Variants in CNTNAP5 observed in about 807,000 individuals in gnomAD.
CNTNAP5 encodes contactin associated protein family member 5, also known as contactin-associated protein-like 5.
In CNTNAP5, 72 loss-of-function variants were observed where a neutral mutation model predicts 150.2. That is an observed-to-expected ratio of 0.48 (90% CI 0.40 to 0.58). The LOEUF (loss-of-function observed/expected upper bound fraction) is 0.58. Among genes scored for constraint, CNTNAP5 ranks in the 20% least tolerant of loss-of-function variants. The pLI is 0.00. For synonymous variants in CNTNAP5, 672 were observed against 619.8 expected, an observed-to-expected ratio of 1.08 and a Z score of -1.25; for missense variants, 1,636 against 1,626.2, an observed-to-expected ratio of 1.01 and a Z score of -0.10.
intron 3 of CNTNAP5, among the ~76,000 whole-genome samples, chr2:124,410,756 A>G (rs1418047027): frequency 2.6e-5 from 4 of 151,478 alleles, no homozygotes; most frequent in Non-Finnish European, 5.9e-5. Context: ...TTATAGCACT[A>G]AATGCCCACA....
chr2:124,408,783 G>C (rs1691665780), intron 3 of CNTNAP5, among the ~76,000 whole-genome samples: 1 of 151,698 alleles, frequency 6.6e-6, no homozygotes, highest in African/African-American at 2.4e-5. Flanking sequence ...ACAAAGATGG[G>C]GAAAAAACAG....
chr2:124,493,425 C>T (rs1694077014), intron 7 of CNTNAP5, among the ~76,000 whole-genome samples: 1 of 151,974 alleles, frequency 6.6e-6, no homozygotes, highest in South Asian at 2.1e-4. Flanking sequence ...ACTGCAACTT[C>T]CTCCTTCCAG....
At chr2:124,103,046 T>C (rs1683098244) in intron 1 of CNTNAP5, among the ~76,000 whole-genome samples, 1 of 152,126 alleles carries the variant, frequency 6.6e-6, no homozygotes, top group Non-Finnish European at 1.5e-5. Context: ...ATAACAGAGC[T>C]GGAAAATTCC....
At chr2:124,761,141 T>A (rs1680947396) in intron 14 of CNTNAP5, among the ~76,000 whole-genome samples, 1 of 152,146 alleles carries the variant, frequency 6.6e-6, no homozygotes, top group Non-Finnish European at 1.5e-5. Context: ...AGCTGTAGAC[T>A]CCTTGCCTAT....
intron 21 of CNTNAP5, among the ~76,000 whole-genome samples, chr2:124,900,504 G>A (rs1168907431): frequency 6.6e-6 from 1 of 151,300 alleles, no homozygotes; most frequent in African/African-American, 2.5e-5. Context: ...AGTACATCTG[G>A]AAGAAGCACA....
chr2:124,294,357 A>T (rs116453815), intron 3 of CNTNAP5, among the ~76,000 whole-genome samples: 1,851 of 148,680 alleles, frequency 0.012, 46 homozygotes, highest in African/African-American at 0.043. Flanking sequence ...TAAAACAGGA[A>T]TTTTTTTTTT....
intron 10 of CNTNAP5, among the ~76,000 whole-genome samples, chr2:124,556,964 A>G (rs1417829021): frequency 4.6e-5 from 7 of 151,932 alleles, no homozygotes; most frequent in Non-Finnish European, 1.0e-4. Flanking sequence ...TCAAAATTGT[A>G]CAAAGATTTT....
At chr2:124,490,227 G>C (rs1693986002) in intron 7 of CNTNAP5, among the ~76,000 whole-genome samples, 1 of 151,886 alleles carries the variant, frequency 6.6e-6, no homozygotes, top group Admixed American at 6.6e-5. Context: ...CCAGCTACTT[G>C]GGAGGCTGAG....
chr2:124,096,615 T>G (rs1409479383), intron 1 of CNTNAP5, among the ~76,000 whole-genome samples: 1 of 152,112 alleles, frequency 6.6e-6, no homozygotes, highest in Non-Finnish European at 1.5e-5. Flanking sequence ...TCCAATGAAC[T>G]ATTTGGGGAA....
intron 13 of CNTNAP5, among the ~76,000 whole-genome samples, chr2:124,663,324 A>G (rs1678631577): frequency 6.6e-6 from 1 of 152,342 alleles, no homozygotes; most frequent in Non-Finnish European, 1.5e-5. Flanking sequence ...GTAAACTAGT[A>G]TTATATAGAC....
intron 1 of CNTNAP5, among the ~76,000 whole-genome samples, chr2:124,090,158 T>C (rs1483982450): frequency 3.3e-5 from 5 of 152,242 alleles, no homozygotes; most frequent in South Asian, 2.1e-4. Context: ...TAAGTTCTGA[T>C]TGAATAATCC....
rs1694781173 is a variant in CNTNAP5 at position 124,518,541 on chromosome 2, T to G, written c.1328-5762T>G. ...GTTCCTCAAAGGGTTAAATATGGAA[T>G]TGCCCTATGACTGAGCAATTCCAAT... is the stretch of plus-strand genomic sequence containing the variant. On this transcript the variant is annotated intron_variant, in intron 8 of 23. Transcript: ENST00000682447. 3.3e-5 allele frequency among the ~76,000 whole-genome samples: 5 copies of G among 152,286 alleles called. No homozygotes were observed. The South Asian group carries it at 1.0e-3, about 32-fold the overall frequency.
intron 1 of CNTNAP5, among the ~76,000 whole-genome samples, chr2:124,073,663 C>T (rs1253491973): frequency 6.6e-6 from 1 of 150,890 alleles, no homozygotes; most frequent in East Asian, 2.1e-4. Context: ...GTTAAAATTG[C>T]TTTTATCCAA....
Position 124,261,655 on chromosome 2 carries a change from C to T in CNTNAP5, c.381+19262C>T, listed in dbSNP as rs372025891. On this transcript the variant is annotated intron_variant, in intron 3 of 23. Coordinates refer to ENST00000682447, the MANE Select transcript of CNTNAP5 (RefSeq NM_001367498.1). ...GATGTTCCACCTGCCTGCTACCTGC[C>T]GCAGTGTTTGCCTTGTAACCAGGCC... Among the ~76,000 whole-genome samples the T allele has an allele frequency of 2.9e-4, 44 of 152,204 alleles. No individual in the cohort carries two copies. In the South Asian group the frequency reaches 8.5e-3, roughly 29 times the overall value.
intron 21 of CNTNAP5, among the ~76,000 whole-genome samples, chr2:124,875,698 GT>G (rs5834090): frequency 0.57 from 71,996 of 126,608 alleles, 17,521 homozygotes; most frequent in East Asian, 0.72. Flanking sequence ...AACCATGAGG[GT>G]TTTTTTTTTT....
chr2:124,587,639 G>T (rs920105980), intron 11 of CNTNAP5, among the ~76,000 whole-genome samples: 4 of 152,110 alleles, frequency 2.6e-5, no homozygotes, highest in African/African-American at 9.7e-5. Context: ...TGGGGCCTTT[G>T]TATAGCTAGT....
At chr2:124,282,167 A>C (rs1688030699) in intron 3 of CNTNAP5, among the ~76,000 whole-genome samples, 1 of 152,154 alleles carries the variant, frequency 6.6e-6, no homozygotes, top group Non-Finnish European at 1.5e-5. Flanking sequence ...ATGGTAAAAC[A>C]AAGGGCTTTG....
At position 124,917,983 on chromosome 2, in the gene CNTNAP5, C is replaced by T. The variant is rs1007814239; in HGVS notation, c.*3695C>T. On this transcript the variant is annotated 3_prime_UTR_variant, in exon 24 of 24. Transcript: ENST00000682447. ...TGTAAGCTGTTTTGTTTCTCCTCCT[C>T]AAAGTAGATATCTATCAATGCATAT... Among the ~76,000 whole-genome samples, 1 of 152,052 alleles carries T rather than the reference C, an allele frequency of 6.6e-6. No individual in the cohort carries two copies. The highest frequency in any genetic ancestry group is 1.5e-5 in the Non-Finnish European group (1 of 67,984).
chr2:124,740,113 AT>A (rs1680467163), intron 13 of CNTNAP5, among the ~76,000 whole-genome samples: 1 of 149,556 alleles, frequency 6.7e-6, no homozygotes, highest in South Asian at 2.1e-4. Context: ...TAAATTAGTA[AT>A]TTTATACAAT....
Sources: gnomAD v4.1 joint callset for allele counts (sites outside exome capture counted in the v4.1 genomes callset) on GRCh38, gnomAD v4.1.1 for gene constraint, MANE v1.5 for transcripts, NCBI Gene and HGNC (gene_info 2026-07-23, HGNC 2026-07-21) for gene names.